JMY: variants seen among roughly 807,000 people sequenced by gnomAD.
JMY encodes the protein junction mediating and regulatory protein, p53 cofactor.
In JMY, 46 loss-of-function variants were observed where a neutral mutation model predicts 103.3. The observed-to-expected ratio is 0.45, with a 90% confidence interval of 0.35 to 0.57. The LOEUF (loss-of-function observed/expected upper bound fraction) is 0.57. JMY is among the 20% of genes least tolerant of loss of function. JMY has a pLI of 0.00. For missense variants in JMY, 1,238 were observed against 1,255.2 expected, an observed-to-expected ratio of 0.99 and a Z score of 0.21; for synonymous variants, 526 against 489.3, an observed-to-expected ratio of 1.07 and a Z score of -0.99.
chr5:79,280,193 T>C (rs1470622733), intron 2 of JMY, among the ~76,000 whole-genome samples: 4 of 152,200 alleles, frequency 2.6e-5, no homozygotes, highest in Admixed American at 1.3e-4. Context: ...TGCTAAGAAC[T>C]TGACTAGAAG....
At chr5:79,263,999 C>A (rs1394530821) in intron 1 of JMY, among the ~76,000 whole-genome samples, 1 of 152,030 alleles carries the variant, frequency 6.6e-6, no homozygotes, top group Admixed American at 6.6e-5. Flanking sequence ...GTTGGCCAGG[C>A]TGGTCTCAAA....
In JMY at chr5:79,300,835, C is replaced by T; in HGVS notation, c.1853C>T (p.Ala618Val). The change falls in exon 6 of 11, where the codon GCC (alanine) becomes GTC (valine). Residue 618 changes from alanine to valine, a missense_variant. Physicochemically the swap from Ala to Val is moderately conservative, Grantham distance 64. Transcript: ENST00000396137. ...QLEARRGRVS[A>V]KKSYLRNKKE... ...GAAGCAAGACGTGGACGGGTTTCTG[C>T]CAAGAAATCCTACCTCAGAAATAAA... The T allele has an allele frequency of 6.3e-7, 1 of 1,591,082 alleles. No individual in the cohort carries two copies. The highest frequency in any genetic ancestry group is 1.2e-5 in the South Asian group (1 of 86,452).
At chr5:79,292,299 T>G (rs1746445122) in intron 4 of JMY, among the ~76,000 whole-genome samples, 2 of 152,086 alleles carry the variant, frequency 1.3e-5, no homozygotes, top group Admixed American at 6.6e-5. Context: ...TCTTTTTGCT[T>G]ATAATAGAGT....
chr5:79,270,795 A>C (rs74694245), intron 1 of JMY, among the ~76,000 whole-genome samples: 1 of 150,304 alleles, frequency 6.7e-6, no homozygotes, highest in African/African-American at 2.4e-5. Context: ...AAGGTGAAGG[A>C]GGTTTTCCAT....
chr5:79,265,163 A>G (rs1316203923), intron 1 of JMY, among the ~76,000 whole-genome samples: 1 of 152,130 alleles, frequency 6.6e-6, no homozygotes, highest in Non-Finnish European at 1.5e-5. Context: ...TGACCTCGTG[A>G]TCCGCCCGCC....
rs550716103 is a variant in JMY at position 79,248,065 on chromosome 5, G to A, written c.1032+10383G>A. Among the ~76,000 whole-genome samples the A allele has an allele frequency of 8.4e-4, 128 of 151,610 alleles. 1 individual carries two copies. The highest frequency in any genetic ancestry group is 2.9e-3 in the African/African-American group (121 of 41,316). On this transcript the variant is annotated intron_variant, in intron 1 of 10. Transcript: ENST00000396137. ...ACACCACCACACCTGGCTAATTTTT[G>A]TATTTTTAGTAGAGATGGGGTTTCA...
rs1554047426 is a variant in JMY at position 79,236,919 on chromosome 5, C to T, written c.269C>T (p.Pro90Leu). ...GPGSPAGRGR[P>L]EATASATLVR... ...GGCAGCCCGGCGGGCAGGGGTCGGCCCGAGGCCACTGCCTCTGCAACTCTG... is the reference window on the plus strand; with the variant it reads ...GGCAGCCCGGCGGGCAGGGGTCGGCTCGAGGCCACTGCCTCTGCAACTCTG... The change falls in exon 1 of 11, where the codon CCC (proline) becomes CTC (leucine). Residue 90 changes from proline (P) to leucine (L), a missense_variant. Transcript: ENST00000396137. The T allele has an allele frequency of 2.2e-6, 3 of 1,382,486 alleles. No homozygotes were observed. Among genetic ancestry groups the T allele is most frequent in the Non-Finnish European group, 2.8e-6 (3 of 1,073,308 alleles). 85.6% of individuals were successfully genotyped at this position (1,382,486 alleles called of 1,614,324 possible). A position where few individuals can be genotyped will look rare whatever the true frequency, so the allele number is the denominator to read the frequency against.
chr5:79,320,536 C>T (rs1356481419), intron 10 of JMY, among the ~76,000 whole-genome samples: 1 of 152,066 alleles, frequency 6.6e-6, no homozygotes, highest in Non-Finnish European at 1.5e-5. Flanking sequence ...GTCTCGAACT[C>T]CTGACCTCAA....
At chr5:79,270,858 G>C (rs1443581977) in intron 1 of JMY, among the ~76,000 whole-genome samples, 2 of 151,498 alleles carry the variant, frequency 1.3e-5, no homozygotes, top group African/African-American at 4.8e-5. Context: ...TTTGTGAAAT[G>C]CATTTTCTGC....
intron 1 of JMY, among the ~76,000 whole-genome samples, chr5:79,238,551 G>A (rs974446444): frequency 1.3e-5 from 2 of 151,786 alleles, no homozygotes; most frequent in African/African-American, 4.8e-5. Flanking sequence ...TTTCCCTAAT[G>A]GATACTACTA....
At chr5:79,286,498 C>T (rs1746270614) in intron 2 of JMY, among the ~76,000 whole-genome samples, 1 of 151,932 alleles carries the variant, frequency 6.6e-6, no homozygotes, top group Non-Finnish European at 1.5e-5. Context: ...AATAAATTAG[C>T]CGGGTGTGGT....
chr5:79,258,100 G>A (rs1745302137), intron 1 of JMY, among the ~76,000 whole-genome samples: 1 of 152,098 alleles, frequency 6.6e-6, no homozygotes, highest in Non-Finnish European at 1.5e-5. Context: ...TACAGAGTGT[G>A]TATGTACATT....
At chr5:79,272,942 A>G (rs949511589) in intron 1 of JMY, among the ~76,000 whole-genome samples, 1 of 152,132 alleles carries the variant, frequency 6.6e-6, no homozygotes. Context: ...AGCCCATCTT[A>G]TACTTAAGAA....
intron 2 of JMY, chr5:79,284,198 C>T: frequency 6.4e-7 from 1 of 1,556,376 alleles, no homozygotes; most frequent in East Asian, 2.2e-5. Flanking sequence ...CTCTCTCGTC[C>T]CCAGTGGCTT....
At position 79,316,250 on chromosome 5, in the gene JMY, AT is replaced by A; in HGVS notation, c.2911del (p.Ser971ProfsTer21). On this transcript the variant is annotated frameshift_variant, in exon 10 of 11. Transcript: ENST00000396137. LOFTEE classifies it high-confidence loss of function. ...HEALRRIKEA[S>X]PESEDEEEAL... ...AAGCTCTTAGAAGAATTAAAGAAGC[AT>A]CCCCAGAGTCAGAGGACGAAGAGGA... The A allele has an allele frequency of 2.5e-6, 4 of 1,614,026 alleles. No homozygotes were observed. The highest frequency in any genetic ancestry group is 3.4e-6 in the Non-Finnish European group (4 of 1,179,956).
intron 4 of JMY, among the ~76,000 whole-genome samples, chr5:79,292,839 A>G (rs1188998564): frequency 1.3e-5 from 2 of 152,138 alleles, no homozygotes; most frequent in Non-Finnish European, 2.9e-5. Context: ...TGTCCCATTA[A>G]TGTAATAGTC....
chr5:79,304,542 C>T (rs1580367167), intron 6 of JMY, among the ~76,000 whole-genome samples: 1 of 152,174 alleles, frequency 6.6e-6, no homozygotes, highest in South Asian at 2.1e-4. Context: ...TAACAATTTT[C>T]TTTGTTTTTT....
At chr5:79,241,951 T>G (rs1006549301) in intron 1 of JMY, among the ~76,000 whole-genome samples, 1 of 152,194 alleles carries the variant, frequency 6.6e-6, no homozygotes, top group Non-Finnish European at 1.5e-5. Flanking sequence ...TGGCCCATAC[T>G]GCAGCTTAGG....
At chr5:79,295,141 A>G (rs1746531649) in intron 4 of JMY, among the ~76,000 whole-genome samples, 1 of 152,206 alleles carries the variant, frequency 6.6e-6, no homozygotes, top group Admixed American at 6.5e-5. Flanking sequence ...TGAGCTTAGG[A>G]TTTGGACAGT....
Sources: gnomAD v4.1 joint callset for allele counts (sites outside exome capture counted in the v4.1 genomes callset) on GRCh38, gnomAD v4.1.1 for gene constraint, MANE v1.5 for transcripts, NCBI Gene and HGNC (gene_info 2026-07-23, HGNC 2026-07-21) for gene names.